The following KIF13A variants were observed in gnomAD, a reference collection of about 807,000 sequenced individuals.
KIF13A encodes kinesin family member 13A.
In KIF13A, 79 loss-of-function variants were observed where a neutral mutation model predicts 212.2. That is an observed-to-expected ratio of 0.37 (90% CI 0.31 to 0.45). KIF13A has a LOEUF of 0.45. Among genes scored for constraint, KIF13A ranks in the 20% least tolerant of loss-of-function variants. The pLI, the probability that KIF13A is intolerant of heterozygous loss-of-function variation, is 1.00. For missense variants in KIF13A, 1,901 were observed against 2,209.0 expected, an observed-to-expected ratio of 0.86 and a Z score of 2.79; for synonymous variants, 789 against 808.6, an observed-to-expected ratio of 0.98 and a Z score of 0.41.
chr6:17,848,932 T>C (rs951079540), intron 9 of KIF13A, among the ~76,000 whole-genome samples: 1 of 152,084 alleles, frequency 6.6e-6, no homozygotes, highest in South Asian at 2.1e-4. Context: ...TCCTTTTTTT[T>C]CCTTTGAGAT....
Position 17,987,092 on chromosome 6 carries a change from G to C in KIF13A, c.108C>G (p.Val36=). The change falls in exon 2 of 39, where the codon GTC becomes GTG. Residue 36 remains valine, a synonymous_variant. Transcript: ENST00000259711. This position sits in a 1 kb window ranked among gnomAD's most constrained non-coding sequence, Gnocchi z 7.7. ...TGGTGTTAGAAGGAGGAGGGTGCAGGACCGTTTGATTCCCTTCCATCTCCA... is the reference window on the plus strand; with the variant it reads ...TGGTGTTAGAAGGAGGAGGGTGCAGCACCGTTTGATTCCCTTCCATCTCCA... ...CVVEMEGNQT[V]LHPPPSNTKQ... 6.2e-7 allele frequency: 1 copy of C among 1,613,754 alleles called. No homozygotes were observed. The highest frequency in any genetic ancestry group is 1.1e-5 in the South Asian group (1 of 91,058).
Position 17,825,604 on chromosome 6 carries a change from C to T in KIF13A, c.1786+164G>A, listed in dbSNP as rs766003104. 6.6e-6 allele frequency among the ~76,000 whole-genome samples: 1 copy of T among 152,174 alleles called. No homozygotes were observed. The highest frequency in any genetic ancestry group is 1.5e-5 in the Non-Finnish European group (1 of 68,028). On this transcript the variant is annotated intron_variant, in intron 16 of 38. Transcript: ENST00000259711. This position sits in a 1 kb window ranked among gnomAD's most constrained non-coding sequence, Gnocchi z 4.5. The stretch of plus-strand genomic sequence containing the variant: ...CTGAGGGAGAAGACCATCTCCCCCA[C>T]ATCTTGTCATTAGTTATTCACTGAT...
rs1758795941 is a variant in KIF13A, at chr6:17,764,778, T to C, written c.4750A>G (p.Lys1584Glu). Residue 1584 changes from lysine to glutamate, a missense_variant, in exon 39 of 39, where the codon AAA becomes GAA. Physicochemically the swap from Lys to Glu is moderately conservative, Grantham distance 56 (BLOSUM62 1). This residue lies in a region of KIF13A where 687 missense variants were observed against 759.1 expected (regional missense o/e 0.90). Transcript: ENST00000259711. This position sits in a 1 kb window ranked among gnomAD's most constrained non-coding sequence, Gnocchi z 5.1. ...VDLSNSRVLE[K>E]EVSRSPTTSS... ...GTGGTAGGGCTACGGGACACTTCTT[T>C]CTCCAAGACCCGTGAGTTTGACAGA... 6.2e-7 allele frequency: 1 copy of C among 1,613,216 alleles called. No individual in the cohort carries two copies. The highest frequency in any genetic ancestry group is 8.5e-7 in the Non-Finnish European group (1 of 1,179,554).
chr6:17,852,192 A>G (rs185683028), intron 6 of KIF13A, 150 bp from the exon 7 acceptor site: 3 of 441,776 alleles, frequency 6.8e-6, no homozygotes, highest in East Asian at 7.1e-5. Context: ...CTTTATTTGG[A>G]TTAGCAAAAC....
At chr6:17,938,896 C>A (rs540588256) in intron 2 of KIF13A, among the ~76,000 whole-genome samples, 1 of 148,706 alleles carries the variant, frequency 6.7e-6, no homozygotes, top group Non-Finnish European at 1.5e-5. Context: ...TTTATGTATT[C>A]ATTCTACAAA....
rs1288717408 is a variant in KIF13A, at chr6:17,890,811, A to ATAATAATAATAATAG, written c.159+7356_159+7357insCTATTATTATTATTA. 5.6e-3 allele frequency among the ~76,000 whole-genome samples: 836 copies of ATAATAATAATAATAG among 148,834 alleles called. 5 individuals are homozygous for ATAATAATAATAATAG. Among genetic ancestry groups the ATAATAATAATAATAG allele is most frequent in the African/African-American group, 0.02 (794 of 40,628 alleles). ...CCAGCTAATAATAATAATAATAATA[A>ATAATAATAATAATAG]TAATAATGTTATTATTACTATTGTT... On this transcript the variant is annotated intron_variant, in intron 3 of 38. Coordinates refer to ENST00000259711, the MANE Select transcript of KIF13A (RefSeq NM_022113.6).
At chr6:17,881,461 C>A in intron 3 of KIF13A, 1 of 425,890 alleles carries the variant, frequency 2.3e-6, no homozygotes, top group Non-Finnish European at 4.6e-6. Flanking sequence ...AAAAAAAAGG[C>A]CAGGCACAGT....
In KIF13A at chr6:17,787,573, G is replaced by A. The variant is rs1260107141; in HGVS notation, c.3361+203C>T. On this transcript the variant is annotated intron_variant, in intron 27 of 38. Coordinates refer to ENST00000259711, the MANE Select transcript of KIF13A (RefSeq NM_022113.6). The surrounding 1 kb of genome is among the most constrained non-coding windows in gnomAD (Gnocchi z 4.6). ...GGCTGAGGCAGGAGGATCTCTTGAG[G>A]CCAGGAGTTAGAGGCTGCAGTGAGA... Among the ~76,000 whole-genome samples, 1 of 152,054 alleles carries A rather than the reference G, an allele frequency of 6.6e-6. No individual in the cohort carries two copies. The highest frequency in any genetic ancestry group is 2.4e-5 in the African/African-American group (1 of 41,400).
At chr6:17,929,374 G>T (rs1265252134) in intron 2 of KIF13A, among the ~76,000 whole-genome samples, 5 of 151,062 alleles carry the variant, frequency 3.3e-5, no homozygotes, top group Non-Finnish European at 7.4e-5. Context: ...CAAACAGCTA[G>T]GACTAGAGGT....
rs866510833 is a variant in KIF13A at position 17,794,456 on chromosome 6, G to C, written c.3076-61C>G. ...TGATAATGAAAAGGAACGGGATAAA[G>C]AAGGGGAAAAGGATTAGAGAATAAA... On this transcript the variant is annotated intron_variant, in intron 24 of 38. Coordinates refer to ENST00000259711, the MANE Select transcript of KIF13A (RefSeq NM_022113.6). This position sits in a 1 kb window ranked among gnomAD's most constrained non-coding sequence, Gnocchi z 4.1. 3.9e-5 allele frequency: 62 copies of C among 1,576,558 alleles called. No individual in the cohort carries two copies. In the African/African-American group the frequency reaches 4.3e-4, roughly 11 times the overall value.
In KIF13A at chr6:17,855,510, G is replaced by C; in HGVS notation, c.421C>G (p.Gln141Glu). The C allele has an allele frequency of 6.2e-7, 1 of 1,613,788 alleles. No homozygotes were observed. Among genetic ancestry groups the C allele is most frequent in the East Asian group, 2.2e-5 (1 of 44,868 alleles). ...KRISLEQNESQTFKVEVSYME... is the reference protein window; with the variant it reads ...KRISLEQNESETFKVEVSYME... ...TAGGACACTTCAACTTTAAAGGTCT[G>C]TGACTCATTTTGCTCCAAAGAGATC... is the stretch of plus-strand genomic sequence containing the variant. Residue 141 changes from glutamine to glutamate, a missense_variant, in exon 6 of 39, where the codon CAG becomes GAG. Gln to Glu is a conservative substitution (Grantham distance 29, BLOSUM62 2). Coordinates refer to ENST00000259711, the MANE Select transcript of KIF13A (RefSeq NM_022113.6). This position sits in a 1 kb window ranked among gnomAD's most constrained non-coding sequence, Gnocchi z 4.1.
chr6:17,772,156 G>A lies in KIF13A; in HGVS notation c.4325-97C>T, dbSNP rs768800853. 2.6e-6 allele frequency: 3 copies of A among 1,171,958 alleles called. No homozygotes were observed. Among genetic ancestry groups the A allele is most frequent in the East Asian group, 2.4e-5 (1 of 41,216 alleles). The allele number at this position is 1,171,958 out of a possible 1,614,324, so 72.6% of individuals were successfully genotyped here. Reference sequence around the variant, plus strand: ...GACCCAGCCATGGGAATATCTGGGAGAACAATGAAATTCATAGGCTAATAT... The same window carrying A: ...GACCCAGCCATGGGAATATCTGGGAAAACAATGAAATTCATAGGCTAATAT... On this transcript the variant is annotated intron_variant, in intron 36 of 38. Coordinates refer to ENST00000259711, the MANE Select transcript of KIF13A (RefSeq NM_022113.6). This position sits in a 1 kb window ranked among gnomAD's most constrained non-coding sequence, Gnocchi z 4.8.
chr6:17,867,178 CAA>C (rs1769487180), intron 4 of KIF13A, among the ~76,000 whole-genome samples: 1 of 151,588 alleles, frequency 6.6e-6, no homozygotes, highest in African/African-American at 2.4e-5. Flanking sequence ...ATTTAATTAA[CAA>C]ATGCAAAAAA....
In KIF13A at chr6:17,982,415, T is replaced by G; in HGVS notation, c.146+4639A>C. The G allele has an allele frequency of 1.0e-6, 1 of 984,416 alleles. No individual in the cohort carries two copies. Among genetic ancestry groups the G allele is most frequent in the South Asian group, 4.7e-5 (1 of 21,256 alleles). 61.0% of individuals were successfully genotyped at this position (984,416 alleles called of 1,614,324 possible). On this transcript the variant is annotated intron_variant, in intron 2 of 38. Coordinates refer to ENST00000259711, the MANE Select transcript of KIF13A (RefSeq NM_022113.6). The surrounding 1 kb of genome is among the most constrained non-coding windows in gnomAD (Gnocchi z 5.1). ...GTCTGGCCCCCAGGATTTGGAGCAT[T>G]TTAGATTTCAGATGTTCAGACAGGG...
chr6:17,804,534 A>C (rs1762765367), intron 19 of KIF13A, 24 bp from the exon 20 acceptor site: 1 of 1,546,440 alleles, frequency 6.5e-7, no homozygotes, highest in African/African-American at 1.4e-5. Context: ...GGGGCCAGTG[A>C]GTGGACGAAT....
At chr6:17,844,056 A>G (rs540252741) in intron 9 of KIF13A, among the ~76,000 whole-genome samples, 17 of 151,708 alleles carry the variant, frequency 1.1e-4, no homozygotes, top group East Asian at 9.7e-4. Context: ...AAAAAAAAAA[A>G]AAAGAAAGAA....
At position 17,897,750 on chromosome 6, in the gene KIF13A, C is replaced by T. The variant is rs895240070; in HGVS notation, c.159+418G>A. Among the ~76,000 whole-genome samples, 21 of 152,324 alleles carry T rather than the reference C, an allele frequency of 1.4e-4. No homozygotes were observed. In the East Asian group the frequency reaches 3.9e-3, roughly 28 times the overall value. On this transcript the variant is annotated intron_variant, in intron 3 of 38. Coordinates refer to ENST00000259711, the MANE Select transcript of KIF13A (RefSeq NM_022113.6). The surrounding 1 kb of genome is among the most constrained non-coding windows in gnomAD (Gnocchi z 4.8). ...AGATCGTTTGTCCAATCAGTAATCA[C>T]AGTTACCAACTGCCATCCTATGATC...
At chr6:17,824,857 C>T (rs1429446468) in intron 16 of KIF13A, among the ~76,000 whole-genome samples, 2 of 151,740 alleles carry the variant, frequency 1.3e-5, no homozygotes. Context: ...CCCTGGAGGT[C>T]CACCCTGGTT....
rs1291400660 is a variant in KIF13A at position 17,921,356 on chromosome 6, C to T, written c.147-23176G>A. ...CACACTTCAAGGAAAGCTGACAAAT[C>T]TCAAGTAACAATAACCAGCTAATAC... is the stretch of plus-strand genomic sequence containing the variant. On this transcript the variant is annotated intron_variant, in intron 2 of 38. Transcript: ENST00000259711. Among the ~76,000 whole-genome samples, 3 of 152,226 alleles carry T rather than the reference C, an allele frequency of 2.0e-5. No homozygotes were observed. In the East Asian group the frequency reaches 5.8e-4, roughly 29 times the overall value.
Sources: gnomAD v4.1 joint callset for allele counts (sites outside exome capture counted in the v4.1 genomes callset) on GRCh38, gnomAD v4.1.1 for gene constraint, gnomAD v4.1.1 regional missense constraint, Gnocchi (gnomAD v3.1) non-coding constraint, MANE v1.5 for transcripts, NCBI Gene and HGNC (gene_info 2026-07-23, HGNC 2026-07-21) for gene names.